Variants in RMND5A observed in about 807,000 individuals in gnomAD.
RMND5A encodes the protein required for meiotic nuclear division 5 homolog A, also known as E3 ubiquitin-protein transferase RMND5A.
Under a neutral mutation model 49.7 loss-of-function variants are expected in RMND5A, and 17 were observed. The ratio of observed to expected loss-of-function variants is 0.34; its 90% CI spans 0.23 to 0.51. The LOEUF (loss-of-function observed/expected upper bound fraction) is 0.51. Ranked by LOEUF, RMND5A falls within the 20% of genes least tolerant of loss-of-function variation. The pLI, the probability that RMND5A is intolerant of heterozygous loss-of-function variation, is 0.96. For missense variants in RMND5A, 255 were observed against 471.3 expected, an observed-to-expected ratio of 0.54 and a Z score of 4.25; for synonymous variants, 156 against 167.7, an observed-to-expected ratio of 0.93 and a Z score of 0.54.
chr2:86,729,265 T>C (rs1681320638), intron 1 of RMND5A, among the ~76,000 whole-genome samples: 2 of 152,230 alleles, frequency 1.3e-5, no homozygotes, highest in Admixed American at 1.3e-4. Context: ...GCACACAGTG[T>C]ATAACAGTGC....
At chr2:86,744,802 C>T (rs961629997) in intron 2 of RMND5A, among the ~76,000 whole-genome samples, 4 of 152,144 alleles carry the variant, frequency 2.6e-5, no homozygotes, top group Non-Finnish European at 4.4e-5. Context: ...CCCACCTCAG[C>T]ATCCAAGTCC....
intron 2 of RMND5A, among the ~76,000 whole-genome samples, chr2:86,743,784 G>A (rs144805791): frequency 1.1e-4 from 17 of 151,940 alleles, no homozygotes; most frequent in African/African-American, 3.1e-4. Flanking sequence ...TGAGGAGTTC[G>A]AGACTAGCTT....
Position 86,765,015 on chromosome 2 carries a change from C to G in RMND5A, c.522-12C>G. 1 of 1,580,042 alleles carries G rather than the reference C, an allele frequency of 6.3e-7. No individual in the cohort carries two copies. Reference sequence around the variant, plus strand: ...CTTTTGATTCTTAAAGTCTTTTTTGCCTTTTCTTTAGGTGGGCAGTGTCAA... The same window carrying G: ...CTTTTGATTCTTAAAGTCTTTTTTGGCTTTTCTTTAGGTGGGCAGTGTCAA... On this transcript the variant is annotated splice_polypyrimidine_tract_variant and intron_variant, in intron 4 of 8. Coordinates refer to ENST00000283632, the MANE Select transcript of RMND5A (RefSeq NM_022780.4).
At chr2:86,744,041 T>G (rs1274827655) in intron 2 of RMND5A, among the ~76,000 whole-genome samples, 1 of 151,972 alleles carries the variant, frequency 6.6e-6, no homozygotes, top group Non-Finnish European at 1.5e-5. Flanking sequence ...ATAGTGTTTG[T>G]GGTACTGTAG....
chr2:86,760,125 A>G (rs1573441683), intron 4 of RMND5A, among the ~76,000 whole-genome samples: 1 of 151,214 alleles, frequency 6.6e-6, no homozygotes, highest in African/African-American at 2.4e-5. Context: ...GCTCACCACA[A>G]CCTCTGCCTC....
chr2:86,768,689 T>C (rs1344275179), intron 6 of RMND5A, among the ~76,000 whole-genome samples: 1 of 152,194 alleles, frequency 6.6e-6, no homozygotes, highest in Non-Finnish European at 1.5e-5. Flanking sequence ...GATGTGACTC[T>C]GGTCAGATGA....
At chr2:86,765,832 A>G in intron 5 of RMND5A, 27 bp from the exon 6 acceptor site, 1 of 1,607,180 alleles carries the variant, frequency 6.2e-7, no homozygotes, top group South Asian at 1.1e-5. Context: ...AAGCAAACTA[A>G]TGCTTTCTTG....
At position 86,755,497 on chromosome 2, in the gene RMND5A, G is replaced by A. The variant is rs1480088348; in HGVS notation, c.521+1939G>A. Reference sequence around the variant, plus strand: ...GTGATTAGCAAATAATATTTGGGTTGTTATTCAAGGTAATATTCACTTATC... The same window carrying A: ...GTGATTAGCAAATAATATTTGGGTTATTATTCAAGGTAATATTCACTTATC... On this transcript the variant is annotated intron_variant, in intron 4 of 8. Coordinates refer to ENST00000283632, the MANE Select transcript of RMND5A (RefSeq NM_022780.4). Among the ~76,000 whole-genome samples the A allele has an allele frequency of 2.0e-5, 3 of 152,168 alleles. No individual in the cohort carries two copies. In the East Asian group the frequency reaches 5.8e-4, roughly 29 times the overall value.
intron 1 of RMND5A, chr2:86,721,167 C>T (rs1681208884): frequency 1.2e-5 from 3 of 240,326 alleles, no homozygotes; most frequent in Non-Finnish European, 2.4e-5. Flanking sequence ...GGGAGTCTCA[C>T]GTGGTGCCCG....
In RMND5A at chr2:86,753,554, C is replaced by T; in HGVS notation, c.517C>T (p.Leu173=). ...AAAGGTCAGAGTTCTGAGACCTGCT[C>T]TGGAGTGAGTATTGAGTTTGCTTTC... ...ALKVRVLRPA[L]EWAVSNREML... is the part of the protein sequence containing the mutation. Residue 173 remains leucine, a synonymous_variant, in exon 4 of 9, where the codon CTG becomes TTG. Coordinates refer to ENST00000283632, the MANE Select transcript of RMND5A (RefSeq NM_022780.4). The T allele has an allele frequency of 6.4e-7, 1 of 1,551,426 alleles. No homozygotes were observed. The highest frequency in any genetic ancestry group is 8.9e-7 in the Non-Finnish European group (1 of 1,127,908).
At chr2:86,769,138 G>T (rs932564847) in intron 6 of RMND5A, among the ~76,000 whole-genome samples, 8 of 152,040 alleles carry the variant, frequency 5.3e-5, no homozygotes, top group Admixed American at 3.9e-4. Context: ...AGAGACGGGG[G>T]TCTCACTGTG....
At position 86,742,998 on chromosome 2, in the gene RMND5A, C is replaced by G. The variant is rs139788557; in HGVS notation, c.285+1929C>G. Among the ~76,000 whole-genome samples, 838 of 152,278 alleles carry G rather than the reference C, an allele frequency of 5.5e-3. 5 individuals are homozygous for G. The highest frequency in any genetic ancestry group is 0.018 in the African/African-American group (729 of 41,540). ...AATTATGCTTTCTGCAGCTGGTAGG[C>G]TGACCATATATGCCATGTATGTCCC... On this transcript the variant is annotated intron_variant, in intron 2 of 8. Transcript: ENST00000283632.
At chr2:86,763,586 C>T (rs548525803) in intron 4 of RMND5A, among the ~76,000 whole-genome samples, 16 of 152,134 alleles carry the variant, frequency 1.1e-4, no homozygotes, top group Admixed American at 1.0e-3. Flanking sequence ...TCAAAATCAG[C>T]TTGGGCAACA....
intron 1 of RMND5A, among the ~76,000 whole-genome samples, chr2:86,735,347 T>TG (rs1194763154): frequency 9.4e-6 from 1 of 105,856 alleles, no homozygotes; most frequent in African/African-American, 4.4e-5. Context: ...CCACTAGCAA[T>TG]GGATAAGGCT....
chr2:86,752,124 T>A, intron 3 of RMND5A, 94 bp downstream of exon 3: 1 of 1,026,822 alleles, frequency 9.7e-7, no homozygotes, highest in Non-Finnish European at 1.4e-6. Context: ...AGTCTTCCTC[T>A]AGCTATAGAT....
intron 3 of RMND5A, among the ~76,000 whole-genome samples, chr2:86,752,750 C>G (rs1210103756): frequency 6.6e-6 from 1 of 152,200 alleles, no homozygotes; most frequent in Non-Finnish European, 1.5e-5. Context: ...TCTAAGCCAC[C>G]ATGTGCTGTT....
At position 86,753,553 on chromosome 2, in the gene RMND5A, T is replaced by C; in HGVS notation, c.516T>C (p.Ala172=). The change falls in exon 4 of 9, where the codon GCT becomes GCC. Residue 172 remains alanine, a synonymous_variant. Transcript: ENST00000283632. ...EALKVRVLRP[A]LEWAVSNREM... is the part of the protein sequence containing the mutation. ...TAAAGGTCAGAGTTCTGAGACCTGC[T>C]CTGGAGTGAGTATTGAGTTTGCTTT... 6.4e-7 allele frequency: 1 copy of C among 1,556,564 alleles called. No individual in the cohort carries two copies. Among genetic ancestry groups the C allele is most frequent in the East Asian group, 2.3e-5 (1 of 44,412 alleles).
intron 1 of RMND5A, among the ~76,000 whole-genome samples, chr2:86,734,482 TCTCGCTCTGTCA>T (rs1331317227): frequency 2.8e-5 from 4 of 141,848 alleles, no homozygotes; most frequent in African/African-American, 5.9e-5. Flanking sequence ...CGAGACCGAG[TCTCGCTCTGTCA>T]CCGAGGCTGC....
At chr2:86,765,451 C>A in intron 5 of RMND5A, 1 of 375,376 alleles carries the variant, frequency 2.7e-6, no homozygotes, top group Non-Finnish European at 4.8e-6. Context: ...TGCACTTGCT[C>A]TTTTCCACCC....
Sources: allele counts gnomAD v4.1 joint callset (sites outside exome capture counted in the v4.1 genomes callset), GRCh38; gene constraint gnomAD v4.1.1; transcripts MANE v1.5; gene names NCBI Gene and HGNC (gene_info 2026-07-23, HGNC 2026-07-21).